Variants in TFDP2 observed in about 807,000 individuals in gnomAD.
The protein encoded by TFDP2 is transcription factor Dp-2.
In TFDP2, 17 loss-of-function variants were observed where a neutral mutation model predicts 59.3. The ratio of observed to expected loss-of-function variants is 0.29; its 90% CI spans 0.20 to 0.43. The LOEUF is 0.43. Ranked by LOEUF, TFDP2 falls within the 20% of genes least tolerant of loss-of-function variation. The pLI, the probability that TFDP2 is intolerant of heterozygous loss-of-function variation, is 1.00. For missense variants in TFDP2, 391 were observed against 528.8 expected (o/e 0.74, Z 2.56); for synonymous variants, 180 against 194.7 (o/e 0.92, Z 0.63).
intron 3 of TFDP2, among the ~76,000 whole-genome samples, chr3:142,009,095 C>T (rs566098119): frequency 6.6e-6 from 1 of 152,246 alleles, no homozygotes; most frequent in Admixed American, 6.5e-5. Context: ...TACTGACTTG[C>T]AATTCTATTA....
At chr3:142,018,104 G>C (rs1481496290) in intron 3 of TFDP2, among the ~76,000 whole-genome samples, 1 of 152,016 alleles carries the variant, frequency 6.6e-6, no homozygotes, top group Non-Finnish European at 1.5e-5. Flanking sequence ...CACCACGCTT[G>C]GCTAATTTTT....
chr3:142,135,032 C>A (rs2062669812), intron 1 of TFDP2, among the ~76,000 whole-genome samples: 1 of 152,116 alleles, frequency 6.6e-6, no homozygotes, highest in Non-Finnish European at 1.5e-5. Context: ...AATCGTTTTT[C>A]CAGACATGGT....
chr3:142,042,630 C>CTTTTTTTTTTTTTTTTTTTTTTTTTTTT (rs66981475), intron 3 of TFDP2, among the ~76,000 whole-genome samples: 1 of 108,222 alleles, frequency 9.2e-6, no homozygotes, highest in Non-Finnish European at 1.9e-5. Flanking sequence ...CTTTTCTTTT[C>CTTTTTTTTTTTTTTTTTTTTTTTTTTTT]TTTTTTTTTT....
At chr3:142,067,390 C>G (rs2060106657) in intron 3 of TFDP2, among the ~76,000 whole-genome samples, 1 of 151,188 alleles carries the variant, frequency 6.6e-6, no homozygotes. Flanking sequence ...AAATGAAATA[C>G]TTAGGTATAA....
intron 9 of TFDP2, among the ~76,000 whole-genome samples, chr3:141,968,327 TAA>T (rs574342000): frequency 0.027 from 3,224 of 117,980 alleles, 230 homozygotes; most frequent in African/African-American, 0.095. Flanking sequence ...ATATAACATA[TAA>T]TATATATAAT....
At chr3:141,969,771 A>C (rs998156932) in intron 9 of TFDP2, among the ~76,000 whole-genome samples, 1 of 152,248 alleles carries the variant, frequency 6.6e-6, no homozygotes, top group Non-Finnish European at 1.5e-5. Context: ...TAAAATAAAC[A>C]AACACAAAAA....
chr3:142,101,176 T>A (rs970178657), intron 2 of TFDP2, among the ~76,000 whole-genome samples: 2 of 151,908 alleles, frequency 1.3e-5, no homozygotes, highest in African/African-American at 4.8e-5. Flanking sequence ...AATAAATAAA[T>A]AAAGAGTGAC....
intron 4 of TFDP2, among the ~76,000 whole-genome samples, chr3:141,999,280 TTATTG>T (rs1199146536): frequency 6.6e-6 from 1 of 152,246 alleles, no homozygotes; most frequent in East Asian, 1.9e-4. Flanking sequence ...CTAGGTTACT[TTATTG>T]TAAGAATACA....
At chr3:142,135,930 T>C (rs1262543111) in intron 1 of TFDP2, among the ~76,000 whole-genome samples, 3 of 152,104 alleles carry the variant, frequency 2.0e-5, no homozygotes, top group African/African-American at 4.8e-5. Context: ...AGTGATGAGA[T>C]TGCTGGGTCA....
chr3:141,959,982 T>TCAA lies in TFDP2; in HGVS notation c.885-143_885-142insTTG, dbSNP rs1937161933. ...TTGCTACCATTTAGAGAGCCATGAGTCATTCTGCTCTGTCAGGGGAATGAC... is the reference window on the plus strand; with the variant it reads ...TTGCTACCATTTAGAGAGCCATGAGTCAACATTCTGCTCTGTCAGGGGAATGAC... On this transcript the variant is annotated intron_variant, in intron 10 of 12. Transcript: ENST00000489671. 1.3e-4 allele frequency: 91 copies of TCAA among 688,826 alleles called. 1 individual carries two copies. In the South Asian group the frequency reaches 2.0e-3, roughly 15 times the overall value. 42.7% of individuals were successfully genotyped at this position (688,826 alleles called of 1,614,324 possible).
intron 1 of TFDP2, among the ~76,000 whole-genome samples, chr3:142,125,093 C>T (rs1409651883): frequency 3.9e-5 from 6 of 151,980 alleles, no homozygotes; most frequent in Non-Finnish European, 5.9e-5. Context: ...GCTGTCCCAA[C>T]TATTTGGGAG....
intron 11 of TFDP2, among the ~76,000 whole-genome samples, chr3:141,957,741 C>G (rs1936873309): frequency 6.6e-6 from 1 of 152,196 alleles, no homozygotes; most frequent in Admixed American, 6.5e-5. Flanking sequence ...GGGTTCCATT[C>G]ACATAAAGCG....
At chr3:141,959,989 G>T in intron 10 of TFDP2, 149 bp from the exon 11 acceptor site, 1 of 652,620 alleles carries the variant, frequency 1.5e-6, no homozygotes, top group Non-Finnish European at 2.5e-6. Flanking sequence ...GAGTCATTCT[G>T]CTCTGTCAGG....
intron 3 of TFDP2, among the ~76,000 whole-genome samples, chr3:142,073,403 A>T (rs961279206): frequency 1.1e-4 from 17 of 151,752 alleles, no homozygotes; most frequent in South Asian, 2.1e-4. Flanking sequence ...AAGGTTATTA[A>T]GAAAAACAAA....
At chr3:141,952,784 A>G (rs1362077314) in intron 12 of TFDP2, 88 bp from the exon 13 acceptor site, 36 of 1,578,168 alleles carry the variant, frequency 2.3e-5, no homozygotes, top group Admixed American at 7.0e-5. Flanking sequence ...AGGAGGTGCC[A>G]TTGGTGAGAT....
intron 3 of TFDP2, among the ~76,000 whole-genome samples, chr3:142,083,691 A>G (rs2060714953): frequency 6.6e-6 from 1 of 152,250 alleles, no homozygotes; most frequent in South Asian, 2.1e-4. Flanking sequence ...GAACCCAGAA[A>G]TAAATCCATA....
In TFDP2 at chr3:142,069,394, G is replaced by C. The variant is rs78682891; in HGVS notation, c.82+23667C>G. Among the ~76,000 whole-genome samples the C allele has an allele frequency of 3.4e-3, 511 of 152,152 alleles. 2 individuals are homozygous for C. The highest frequency in any genetic ancestry group is 0.012 in the African/African-American group (481 of 41,508). On this transcript the variant is annotated intron_variant, in intron 3 of 12. Transcript: ENST00000489671. ...TTACTATTACATATTATACTGTAAA[G>C]ATTAACTTTTATTTCCTAAATTTGT...
chr3:142,140,902 C>A (rs2062929395), intron 1 of TFDP2, among the ~76,000 whole-genome samples: 1 of 152,174 alleles, frequency 6.6e-6, no homozygotes. Flanking sequence ...CTGGGAGAAC[C>A]ACTGCTGTCA....
chr3:142,124,002 A>G (rs1409691451), intron 1 of TFDP2, among the ~76,000 whole-genome samples: 1 of 152,206 alleles, frequency 6.6e-6, no homozygotes, highest in Non-Finnish European at 1.5e-5. Flanking sequence ...AATAACAACT[A>G]TGTAAAGACA....
Sources: gnomAD v4.1 joint callset for allele counts (sites outside exome capture counted in the v4.1 genomes callset) on GRCh38, gnomAD v4.1.1 for gene constraint, MANE v1.5 for transcripts, NCBI Gene and HGNC (gene_info 2026-07-23, HGNC 2026-07-21) for gene names.